The following TRMT10B variants were observed in gnomAD, a reference collection of about 807,000 sequenced individuals.
TRMT10B encodes the protein tRNA methyltransferase 10B, also known as tRNA methyltransferase 10 homolog B.
A neutral mutation model predicts 43.8 loss-of-function variants in TRMT10B; 33 were observed. That is an observed-to-expected ratio of 0.75 (90% CI 0.57 to 1.01). The LOEUF is 1.01. TRMT10B is among the 50% of genes least tolerant of loss of function. TRMT10B has a pLI of 0.00. For synonymous variants in TRMT10B, 137 were observed against 130.6 expected (o/e 1.05, Z -0.34); for missense variants, 362 against 369.8 (o/e 0.98, Z 0.17).
rs1826371190 is a variant in TRMT10B, at chr9:37,761,847, A to AG, written c.-29-55dup. On this transcript the variant is annotated intron_variant, in intron 1 of 8. Coordinates refer to ENST00000297994, the MANE Select transcript of TRMT10B (RefSeq NM_144964.4). ...AACACTTTGTCATTTGGATGTAGGG[A>AG]GATACCTATGTTAGTGAAATAATGT... 2.4e-6 allele frequency: 3 copies of AG among 1,225,158 alleles called. No individual in the cohort carries two copies. The Admixed American group carries it at 7.2e-5, about 29-fold the overall frequency. 75.9% of individuals were successfully genotyped at this position (1,225,158 alleles called of 1,614,324 possible). A position where few individuals can be genotyped will look rare whatever the true frequency, so the allele number is the denominator to read the frequency against.
At chr9:37,777,577 T>G in intron 8 of TRMT10B, 24 bp from the exon 9 acceptor site, 1 of 1,563,832 alleles carries the variant, frequency 6.4e-7, no homozygotes, top group Non-Finnish European at 8.8e-7. Flanking sequence ...GTGGTCACTG[T>G]GTTTTCTGTT....
Position 37,763,707 on chromosome 9 carries a change from C to A in TRMT10B, c.374C>A (p.Pro125Gln). ...CTTTTGGAAGCCAAACACTCAGGAC[C>A]AAGACTATGTATCGATTTGAGTATG... ...DKLLEAKHSG[P>Q]RLCIDLSMTH... Residue 125 changes from proline (P) to glutamine (Q), a missense_variant, in exon 4 of 9, where the codon CCA (proline) becomes CAA (glutamine). Physicochemically the swap from Pro to Gln is moderately conservative, Grantham distance 76 (BLOSUM62 -1). Transcript: ENST00000297994. The A allele has an allele frequency of 6.2e-7, 1 of 1,614,118 alleles. No individual in the cohort carries two copies. The highest frequency in any genetic ancestry group is 8.5e-7 in the Non-Finnish European group (1 of 1,180,016).
chr9:37,778,252 C>T lies in TRMT10B; in HGVS notation c.*545C>T, dbSNP rs1465422532. 1 of 152,906 alleles carries T rather than the reference C, an allele frequency of 6.5e-6. No individual in the cohort carries two copies. The highest frequency in any genetic ancestry group is 2.4e-5 in the African/African-American group (1 of 41,432). 9.5% of individuals were successfully genotyped at this position (152,906 alleles called of 1,614,324 possible). A position where few individuals can be genotyped will look rare whatever the true frequency, so the allele number is the denominator to read the frequency against. ...AGTTAATGTGGTGGGTGCAGTGGCTCACGCCTGTAATCCCAGCACTTTGGG... is the reference window on the plus strand; with the variant it reads ...AGTTAATGTGGTGGGTGCAGTGGCTTACGCCTGTAATCCCAGCACTTTGGG... On this transcript the variant is annotated 3_prime_UTR_variant, in exon 9 of 9. Transcript: ENST00000297994.
At chr9:37,753,193 A>G (rs75116620), upstream of TRMT10B, among the ~76,000 whole-genome samples, 1,922 of 152,348 alleles carry the variant, frequency 0.013, 34 homozygotes, top group African/African-American at 0.044. Flanking sequence ...AACTCCAGAC[A>G]CGCAGTCTTT....
chr9:37,755,145 G>T (rs1391997248), intron 1 of TRMT10B, among the ~76,000 whole-genome samples: 1 of 152,116 alleles, frequency 6.6e-6, no homozygotes, highest in Non-Finnish European at 1.5e-5. Flanking sequence ...GGTGGCGGGT[G>T]CCTGTAGTCC....
At chr9:37,766,606 G>T (rs942222653) in intron 4 of TRMT10B, among the ~76,000 whole-genome samples, 1 of 152,132 alleles carries the variant, frequency 6.6e-6, no homozygotes, top group Admixed American at 6.5e-5. Flanking sequence ...TTTTTTCCAA[G>T]TCTGTGAAGA....
In TRMT10B at chr9:37,770,695, A is replaced by G. The variant is rs1589037757; in HGVS notation, c.676A>G (p.Lys226Glu). The part of the protein sequence containing the change: ...EHALEDVDLN[K>E]VYILGGLVDE... The stretch of plus-strand genomic sequence containing the variant: ...AGCTCTTGAAGATGTTGATCTAAAC[A>G]AAGTTTACATCCTCGGTGGGCTTGT... The change falls in exon 7 of 9, where the codon AAA becomes GAA. Residue 226 changes from lysine to glutamate, a missense_variant. Coordinates refer to ENST00000297994, the MANE Select transcript of TRMT10B (RefSeq NM_144964.4). 5 of 1,614,030 alleles carry G rather than the reference A, an allele frequency of 3.1e-6. No individual in the cohort carries two copies. The South Asian group carries it at 3.3e-5, about 11-fold the overall frequency.
rs548904758 is a variant in TRMT10B at position 37,777,293 on chromosome 9, C to T, written c.845-308C>T. ...TCTCACCACTGAATTCCTGTTTGAT[C>T]TTCAGGGTTCAGTTCAGGAGCATCT... On this transcript the variant is annotated intron_variant, in intron 8 of 8. Coordinates refer to ENST00000297994, the MANE Select transcript of TRMT10B (RefSeq NM_144964.4). Among the ~76,000 whole-genome samples, 57 of 136,598 alleles carry T rather than the reference C, an allele frequency of 4.2e-4. 1 individual carries two copies. Among genetic ancestry groups the T allele is most frequent in the South Asian group, 1.6e-3 (6 of 3,744 alleles). The allele number at this position is 136,598 out of a possible 152,430, so 89.6% of individuals were successfully genotyped here.
At chr9:37,764,814 C>T (rs2118810328) in intron 4 of TRMT10B, among the ~76,000 whole-genome samples, 1 of 152,264 alleles carries the variant, frequency 6.6e-6, no homozygotes, top group African/African-American at 2.4e-5. Flanking sequence ...GAATGCATGA[C>T]ACCTGACACT....
upstream of TRMT10B, among the ~76,000 whole-genome samples, chr9:37,753,295 T>A (rs1825155788): frequency 6.6e-6 from 1 of 152,150 alleles, no homozygotes; most frequent in Admixed American, 6.5e-5. Context: ...TGATATCAGG[T>A]TGGAATTTGA....
intron 8 of TRMT10B, 107 bp downstream of exon 8, chr9:37,776,512 G>A (rs1828170917): frequency 1.8e-5 from 24 of 1,345,156 alleles, no homozygotes; most frequent in Non-Finnish European, 2.4e-5. Flanking sequence ...TAATGTGTGT[G>A]GACTTTATTG....
intron 4 of TRMT10B, among the ~76,000 whole-genome samples, chr9:37,765,049 G>A (rs1161926536): frequency 6.6e-6 from 1 of 152,110 alleles, no homozygotes; most frequent in Non-Finnish European, 1.5e-5. Context: ...GGCTGGCAGG[G>A]AACCAAAACT....
intron 3 of TRMT10B, among the ~76,000 whole-genome samples, chr9:37,763,166 CAAAA>C (rs1162647212): frequency 5.3e-5 from 6 of 113,774 alleles, no homozygotes; most frequent in Admixed American, 1.0e-4. Context: ...AAAAAAAAAA[CAAAA>C]AAAAAAATTT....
In TRMT10B at chr9:37,768,103, C is replaced by G. The variant is rs754769922; in HGVS notation, c.448C>G (p.Arg150Gly). The change falls in exon 5 of 9, where the codon CGA becomes GGA. Residue 150 changes from arginine (R) to glycine (G), a missense_variant. Arg to Gly is a moderately radical substitution (Grantham distance 125). Transcript: ENST00000297994. Reference sequence around the variant, plus strand: ...ATTAAGTAGACTGGCTGGACAGATTCGAAGGTTGTATGGTTCAAACAAAAA... The same window carrying G: ...ATTAAGTAGACTGGCTGGACAGATTGGAAGGTTGTATGGTTCAAACAAAAA... ...KELSRLAGQI[R>G]RLYGSNKKAD... is the part of the protein sequence containing the mutation. 8.1e-6 allele frequency: 13 copies of G among 1,613,792 alleles called. No homozygotes were observed. In the South Asian group the frequency reaches 1.1e-4, roughly 14 times the overall value.
At chr9:37,759,654 TAAAAATACA>T (rs527676434) in intron 1 of TRMT10B, among the ~76,000 whole-genome samples, 84 of 152,210 alleles carry the variant, frequency 5.5e-4, no homozygotes, top group African/African-American at 1.9e-3. Context: ...TCATTTCTGC[TAAAAATACA>T]AAAATTAGCT....
chr9:37,777,194 C>CAAAAAAAAAAAAAAAA (rs11306620), intron 8 of TRMT10B, among the ~76,000 whole-genome samples: 1 of 29,966 alleles, frequency 3.3e-5, no homozygotes, highest in African/African-American at 1.4e-4. Context: ...AACTCCGCCT[C>CAAAAAAAAAAAAAAAA]AAAAAAAAAA....
intron 6 of TRMT10B, 73 bp downstream of exon 6, chr9:37,770,092 T>A: frequency 7.3e-7 from 1 of 1,369,600 alleles, no homozygotes. Flanking sequence ...GCAGAATTTA[T>A]TAAAGCCCCT....
chr9:37,764,268 C>G (rs1826736904), intron 4 of TRMT10B, among the ~76,000 whole-genome samples: 1 of 151,694 alleles, frequency 6.6e-6, no homozygotes, highest in African/African-American at 2.4e-5. Flanking sequence ...TCTGCCTCAG[C>G]CTTCTGAGCA....
intron 5 of TRMT10B, chr9:37,769,634 T>A (rs1334441114): frequency 5.1e-5 from 12 of 233,924 alleles, no homozygotes; most frequent in Admixed American, 1.0e-4. Context: ...TTTTTTTTTT[T>A]AAAGACAGGC....
Sources: allele counts gnomAD v4.1 joint callset (sites outside exome capture counted in the v4.1 genomes callset), GRCh38; gene constraint gnomAD v4.1.1; transcripts MANE v1.5; gene names NCBI Gene and HGNC (gene_info 2026-07-23, HGNC 2026-07-21).